Variants in CHSY1 observed in about 807,000 individuals in gnomAD.
CHSY1 encodes N-acetylgalactosaminyl-proteoglycan 3-beta-glucuronosyltransferase 1.
CHSY1 carries 13 observed loss-of-function variants against 59.8 expected under a neutral mutation model. The observed-to-expected ratio is 0.22, with a 90% CI of 0.14 to 0.35. The LOEUF is 0.35. CHSY1 is among the 10% of genes least tolerant of loss of function. The pLI is 1.00. For synonymous variants in CHSY1, 459 were observed against 401.2 expected, an observed-to-expected ratio of 1.14 and a Z score of -1.72; for missense variants, 947 against 1,030.6, an observed-to-expected ratio of 0.92 and a Z score of 1.11.
At chr15:101,250,763 C>A (rs1008816468) in intron 1 of CHSY1, among the ~76,000 whole-genome samples, 3 of 152,208 alleles carry the variant, frequency 2.0e-5, no homozygotes, top group Non-Finnish European at 4.4e-5. Flanking sequence ...AGTATCAGCC[C>A]CAACTGCCTC....
intron 2 of CHSY1, among the ~76,000 whole-genome samples, chr15:101,183,108 A>C (rs2038302561): frequency 6.6e-6 from 1 of 152,182 alleles, no homozygotes. Context: ...GTAGAGTTTG[A>C]AGATAAAACT....
chr15:101,179,110 C>T (rs999871976), intron 2 of CHSY1, 130 bp from the exon 3 acceptor site: 30 of 855,008 alleles, frequency 3.5e-5, no homozygotes, highest in Non-Finnish European at 5.3e-5. Context: ...CTAGATAAGG[C>T]CCGATCAACA....
Position 101,176,159 on chromosome 15 carries a change from C to T in CHSY1, c.*1229G>A. 2.5e-6 allele frequency: 1 copy of T among 398,088 alleles called. No homozygotes were observed. The allele number at this position is 398,088 out of a possible 1,614,324, so 24.7% of individuals were successfully genotyped here. On this transcript the variant is annotated 3_prime_UTR_variant, in exon 3 of 3. Transcript: ENST00000254190. Reference sequence around the variant, plus strand: ...GCAAATAAAACAGACTAAACACACTCCCGATACACATAAATAATACTAACT... The same window carrying T: ...GCAAATAAAACAGACTAAACACACTTCCGATACACATAAATAATACTAACT...
At chr15:101,199,599 T>C (rs2038549916) in intron 2 of CHSY1, among the ~76,000 whole-genome samples, 1 of 152,176 alleles carries the variant, frequency 6.6e-6, no homozygotes, top group Non-Finnish European at 1.5e-5. Context: ...GACTGAACTG[T>C]GTATTTAGAT....
intron 2 of CHSY1, among the ~76,000 whole-genome samples, chr15:101,222,959 T>C (rs574584194): frequency 1.4e-3 from 214 of 152,318 alleles, no homozygotes; most frequent in African/African-American, 4.7e-3. Context: ...GACTTTAAAA[T>C]GAGCATAAAA....
At chr15:101,183,521 T>C (rs756196824) in intron 2 of CHSY1, among the ~76,000 whole-genome samples, 150 of 152,296 alleles carry the variant, frequency 9.8e-4, no homozygotes, top group Middle Eastern at 3.4e-3. Context: ...CAGCAAAAGA[T>C]GTCAGATACT....
At chr15:101,184,470 T>A (rs999221923) in intron 2 of CHSY1, among the ~76,000 whole-genome samples, 9 of 151,614 alleles carry the variant, frequency 5.9e-5, no homozygotes, top group Admixed American at 2.0e-4. Flanking sequence ...AACCTCCACC[T>A]CCCAGGGAGC....
chr15:101,198,398 C>T (rs546448137), intron 2 of CHSY1, among the ~76,000 whole-genome samples: 15 of 152,288 alleles, frequency 9.8e-5, no homozygotes, highest in Non-Finnish European at 1.8e-4. Flanking sequence ...TGCGTCCTCT[C>T]GGGTGTCTGT....
At chr15:101,237,553 C>T (rs11855006) in intron 1 of CHSY1, among the ~76,000 whole-genome samples, 4 of 151,968 alleles carry the variant, frequency 2.6e-5, no homozygotes, top group East Asian at 3.9e-4. Context: ...AACGGTTGCC[C>T]GTCGACAGAG....
At chr15:101,215,511 GATCACCT>G (rs898490335) in intron 2 of CHSY1, among the ~76,000 whole-genome samples, 5 of 150,316 alleles carry the variant, frequency 3.3e-5, no homozygotes, top group Admixed American at 6.6e-5. Context: ...AATGTGGGTG[GATCACCT>G]GAGGTCAGCA....
At chr15:101,200,222 T>G (rs1282428933) in intron 2 of CHSY1, among the ~76,000 whole-genome samples, 1 of 152,204 alleles carries the variant, frequency 6.6e-6, no homozygotes, top group Non-Finnish European at 1.5e-5. Flanking sequence ...AGAATAACTT[T>G]TTTGATTTTC....
chr15:101,195,083 T>C (rs1274229062), intron 2 of CHSY1, among the ~76,000 whole-genome samples: 5 of 152,162 alleles, frequency 3.3e-5, no homozygotes. Flanking sequence ...TTTACATCAC[T>C]TACGATGAAC....
chr15:101,189,180 C>T (rs993394115), intron 2 of CHSY1, among the ~76,000 whole-genome samples: 62 of 152,346 alleles, frequency 4.1e-4, no homozygotes, highest in African/African-American at 1.4e-3. Context: ...CAGCCCGGGC[C>T]TGCCACGAAG....
intron 2 of CHSY1, among the ~76,000 whole-genome samples, chr15:101,208,378 G>A (rs1445083004): frequency 1.3e-5 from 2 of 152,068 alleles, no homozygotes; most frequent in African/African-American, 2.4e-5. Flanking sequence ...ATCTTAGTAT[G>A]CCAGAAAGAA....
chr15:101,183,035 G>C (rs2038301344), intron 2 of CHSY1, among the ~76,000 whole-genome samples: 1 of 152,092 alleles, frequency 6.6e-6, no homozygotes, highest in East Asian at 1.9e-4. Context: ...AACAGAATGT[G>C]ATAAACACGA....
At chr15:101,246,655 C>T (rs948667689) in intron 1 of CHSY1, among the ~76,000 whole-genome samples, 4 of 152,216 alleles carry the variant, frequency 2.6e-5, no homozygotes, top group South Asian at 2.1e-4. Context: ...ACTTAGTCAA[C>T]GGTACATGGT....
intron 2 of CHSY1, among the ~76,000 whole-genome samples, chr15:101,205,325 C>G (rs1283663299): frequency 1.3e-5 from 2 of 151,098 alleles, no homozygotes; most frequent in African/African-American, 2.5e-5. Flanking sequence ...AAATTGCCAC[C>G]ACACACACAT....
At chr15:101,189,416 A>C (rs2141245872) in intron 2 of CHSY1, 1 of 985,188 alleles carries the variant, frequency 1.0e-6, no homozygotes, top group Non-Finnish European at 1.2e-6. Context: ...ATAAAATTAA[A>C]AACAAACTTA....
chr15:101,183,367 C>T lies in CHSY1; in HGVS notation c.817-4387G>A, dbSNP rs144505788. ...AATTTCCACAGAGGAGGAAAAAGGG[C>T]ATATACAAATAATCAGAAATGGAAA... is the stretch of plus-strand genomic sequence containing the variant. On this transcript the variant is annotated intron_variant, in intron 2 of 2. Coordinates refer to ENST00000254190, the MANE Select transcript of CHSY1 (RefSeq NM_014918.5). 5.8e-3 allele frequency among the ~76,000 whole-genome samples: 883 copies of T among 152,226 alleles called. 8 individuals carry two copies. Among genetic ancestry groups the T allele is most frequent in the Non-Finnish European group, 9.6e-3 (654 of 68,008 alleles).
Sources: allele counts gnomAD v4.1 joint callset (sites outside exome capture counted in the v4.1 genomes callset), GRCh38; gene constraint gnomAD v4.1.1; transcripts MANE v1.5; gene names NCBI Gene and HGNC (gene_info 2026-07-23, HGNC 2026-07-21).